WNT9B: variants seen among roughly 807,000 people sequenced by gnomAD.
WNT9B encodes Wnt family member 9B, also known as protein Wnt-9b.
A neutral mutation model predicts 30.2 loss-of-function variants in WNT9B; 12 were observed. That is an observed-to-expected ratio of 0.40 (90% CI 0.26 to 0.64). WNT9B has a LOEUF of 0.64. Among genes scored for constraint, WNT9B ranks in the 30% least tolerant of loss-of-function variants. WNT9B has a pLI of 0.42. For synonymous variants in WNT9B, 218 were observed against 216.9 expected, an observed-to-expected ratio of 1.01 and a Z score of -0.05; for missense variants, 442 against 485.2, an observed-to-expected ratio of 0.91 and a Z score of 0.84.
In WNT9B at chr17:46,851,613, C is replaced by T; in HGVS notation, c.-26C>T. 1 of 1,237,158 alleles carries T rather than the reference C, an allele frequency of 8.1e-7. No homozygotes were observed. The highest frequency in any genetic ancestry group is 1.0e-6 in the Non-Finnish European group (1 of 986,814). 76.6% of individuals were successfully genotyped at this position (1,237,158 alleles called of 1,614,324 possible). Reference sequence around the variant, plus strand: ...CGAGCTTGAGCGGCGCGAGGAGATGCTAGAGGGCGCAGCGCCGCCAGCACC... The same window carrying T: ...CGAGCTTGAGCGGCGCGAGGAGATGTTAGAGGGCGCAGCGCCGCCAGCACC... On this transcript the variant is annotated 5_prime_UTR_variant, in exon 1 of 4. Coordinates refer to ENST00000290015, the MANE Select transcript of WNT9B (RefSeq NM_003396.3). The surrounding 1 kb of genome is among the most constrained non-coding windows in gnomAD (Gnocchi z 4.3).
intron 1 of WNT9B, among the ~76,000 whole-genome samples, chr17:46,855,196 G>C (rs1283999279): frequency 6.6e-6 from 1 of 152,206 alleles, no homozygotes; most frequent in Admixed American, 6.5e-5. Context: ...GATTCCCCCA[G>C]GGCAGCAGTG....
Position 46,875,182 on chromosome 17 carries a change from G to T in WNT9B, c.416G>T (p.Arg139Leu), listed in dbSNP as rs774054853. 2.5e-6 allele frequency: 4 copies of T among 1,614,056 alleles called. No individual in the cohort carries two copies. Among genetic ancestry groups the T allele is most frequent in the South Asian group, 2.2e-5 (2 of 91,066 alleles). The stretch of plus-strand genomic sequence containing the variant: ...CTGGCCCGGGCCTGCAGCGCTGGGC[G>T]CATGGAGCGCTGCACCTGTGATGAC... ...HTLARACSAG[R>L]MERCTCDDSP... is the part of the protein sequence containing the mutation. The change falls in exon 3 of 4, where the codon CGC (arginine) becomes CTC (leucine). Residue 139 changes from arginine (R) to leucine (L), a missense_variant. Coordinates refer to ENST00000290015, the MANE Select transcript of WNT9B (RefSeq NM_003396.3).
chr17:46,844,783 A>C (rs117590576), intron 1 of WNT9B, among the ~76,000 whole-genome samples: 1,589 of 151,920 alleles, frequency 0.01, 10 homozygotes, highest in Non-Finnish European at 0.016. Context: ...AGTCCCTAAG[A>C]AAGTTGTTTT....
At chr17:46,837,828 A>T (rs1281558295) in intron 1 of WNT9B, among the ~76,000 whole-genome samples, 1 of 152,218 alleles carries the variant, frequency 6.6e-6, no homozygotes, top group Non-Finnish European at 1.5e-5. Context: ...GCACTGCAAA[A>T]GGTTACACCA....
At chr17:46,846,086 C>T (rs1260226394) in intron 1 of WNT9B, among the ~76,000 whole-genome samples, 5 of 152,124 alleles carry the variant, frequency 3.3e-5, no homozygotes, top group Non-Finnish European at 5.9e-5. Flanking sequence ...CCACCGTGCC[C>T]GGCCATGTTA....
chr17:46,847,596 C>G (rs1198840489), upstream of WNT9B, among the ~76,000 whole-genome samples: 1 of 152,228 alleles, frequency 6.6e-6, no homozygotes, highest in African/African-American at 2.4e-5. Context: ...CACACCCACA[C>G]CAGTCCTGTC....
downstream of WNT9B, among the ~76,000 whole-genome samples, chr17:46,882,869 C>T (rs886164388): frequency 2.0e-5 from 3 of 152,120 alleles, no homozygotes; most frequent in African/African-American, 7.2e-5. Flanking sequence ...GCACGGTGTC[C>T]AGCACTCCAA....
At chr17:46,870,538 C>T (rs778247521) in intron 1 of WNT9B, among the ~76,000 whole-genome samples, 5 of 152,210 alleles carry the variant, frequency 3.3e-5, no homozygotes, top group Middle Eastern at 3.2e-3. Context: ...AACGGGAGCC[C>T]GATAGCATCT....
At chr17:46,875,453 C>A in intron 3 of WNT9B, 87 bp downstream of exon 3, 2 of 1,442,154 alleles carry the variant, frequency 1.4e-6, no homozygotes, top group East Asian at 5.0e-5. Context: ...GCACCCCACT[C>A]CCCAAAATAC....
At chr17:46,834,221 C>CT (rs1453844432) in intron 1 of WNT9B, among the ~76,000 whole-genome samples, 1 of 152,092 alleles carries the variant, frequency 6.6e-6, no homozygotes, top group Admixed American at 6.6e-5. Context: ...AAATGTCTTA[C>CT]TTCCAGAGGG....
chr17:46,857,474 C>CAAAAAA (rs35196121), intron 1 of WNT9B, among the ~76,000 whole-genome samples: 1 of 94,660 alleles, frequency 1.1e-5, no homozygotes, highest in African/African-American at 3.4e-5. Context: ...GACTCTGTCT[C>CAAAAAA]AAAAAAAAAA....
intron 1 of WNT9B, among the ~76,000 whole-genome samples, chr17:46,835,476 G>A (rs936252016): frequency 6.6e-6 from 1 of 152,292 alleles, no homozygotes; most frequent in Middle Eastern, 3.4e-3. Context: ...CTCTCAAAGT[G>A]CTGGGATTAC....
intron 1 of WNT9B, among the ~76,000 whole-genome samples, chr17:46,858,978 CTT>C (rs35256955): frequency 3.1e-4 from 41 of 134,126 alleles, no homozygotes; most frequent in Admixed American, 3.0e-4. Flanking sequence ...ATAATTTTAG[CTT>C]TTTTTTTTTT....
At chr17:46,862,595 T>G (rs2085059612) in intron 1 of WNT9B, among the ~76,000 whole-genome samples, 1 of 152,204 alleles carries the variant, frequency 6.6e-6, no homozygotes, top group African/African-American at 2.4e-5. Flanking sequence ...TTTGTTTTGT[T>G]TTTTTGAGAC....
rs901012410 is a variant in WNT9B, at chr17:46,877,939, G to A, written c.*1221G>A. On this transcript the variant is annotated 3_prime_UTR_variant, in exon 4 of 4. Transcript: ENST00000290015. ...TTTGGCTCTTACTTGAGGAGGAGAC[G>A]TGACTTTGATAATTTCCTCAGATCC... Among the ~76,000 whole-genome samples the A allele has an allele frequency of 2.0e-5, 3 of 152,150 alleles. No individual in the cohort carries two copies. The highest frequency in any genetic ancestry group is 2.9e-5 in the Non-Finnish European group (2 of 68,038).
rs76030622 is a variant in WNT9B at position 46,854,752 on chromosome 17, C to T, written c.77+3037C>T. ...CTCGGCTCACTGCAACCGCCACCTC[C>T]TGGGCTCAAGCAATTTTCCTGCCTC... On this transcript the variant is annotated intron_variant, in intron 1 of 3. Coordinates refer to ENST00000290015, the MANE Select transcript of WNT9B (RefSeq NM_003396.3). 2.9e-3 allele frequency among the ~76,000 whole-genome samples: 439 copies of T among 152,278 alleles called. 2 individuals carry two copies. Among genetic ancestry groups the T allele is most frequent in the Middle Eastern group, 6.8e-3 (2 of 292 alleles).
In WNT9B at chr17:46,877,420, C is replaced by T. The variant is rs530578689; in HGVS notation, c.*702C>T. Among the ~76,000 whole-genome samples the T allele has an allele frequency of 1.3e-5, 2 of 152,292 alleles. No homozygotes were observed. The highest frequency in any genetic ancestry group is 2.1e-4 in the South Asian group (1 of 4,828). On this transcript the variant is annotated 3_prime_UTR_variant, in exon 4 of 4. Transcript: ENST00000290015. The stretch of plus-strand genomic sequence containing the variant: ...CTCCGCTGAGGCCTCATTCTTGTCT[C>T]GAGAGCTGGGTTATGCACACTCACC...
chr17:46,853,232 C>T (rs901307808), intron 1 of WNT9B, among the ~76,000 whole-genome samples: 4 of 152,088 alleles, frequency 2.6e-5, no homozygotes, highest in African/African-American at 9.7e-5. Flanking sequence ...AACTTAACCT[C>T]TCTGTCTCTC....
At chr17:46,869,996 C>CA (rs72297295) in intron 1 of WNT9B, among the ~76,000 whole-genome samples, 58 of 143,264 alleles carry the variant, frequency 4.0e-4, no homozygotes, top group African/African-American at 7.1e-4. Context: ...AAGACTGTCT[C>CA]AAAAAAAAAA....
Sources: gnomAD v4.1 joint callset for allele counts (sites outside exome capture counted in the v4.1 genomes callset) on GRCh38, gnomAD v4.1.1 for gene constraint, Gnocchi (gnomAD v3.1) non-coding constraint, MANE v1.5 for transcripts, NCBI Gene and HGNC (gene_info 2026-07-23, HGNC 2026-07-21) for gene names.